Variants in PTK2B observed in about 807,000 individuals in gnomAD.
PTK2B encodes the protein protein tyrosine kinase 2 beta, also known as protein-tyrosine kinase 2-beta.
Under a neutral mutation model 142.9 loss-of-function variants are expected in PTK2B, and 71 were observed. That is an observed-to-expected ratio of 0.50 (90% confidence interval 0.41 to 0.61). The LOEUF (loss-of-function observed/expected upper bound fraction) is 0.61, where lower values mean the gene tolerates loss of function less well. PTK2B is among the 20% of genes least tolerant of loss of function. PTK2B has a pLI of 0.00. For missense variants in PTK2B, 1,105 were observed against 1,320.4 expected, an observed-to-expected ratio of 0.84 and a Z score of 2.53; for synonymous variants, 519 against 503.4, an observed-to-expected ratio of 1.03 and a Z score of -0.42.
At chr8:27,325,493 G>A (rs1341665189), upstream of PTK2B, 1 of 152,446 alleles carries the variant, frequency 6.6e-6, no homozygotes, top group African/African-American at 2.4e-5. Flanking sequence ...AAGTGGGGAG[G>A]AGAGCAGCAG....
intron 24 of PTK2B, among the ~76,000 whole-genome samples, chr8:27,450,198 C>A (rs1167806632): frequency 2.0e-5 from 3 of 152,108 alleles, no homozygotes; most frequent in Admixed American, 6.5e-5. Context: ...CATTCATGGA[C>A]ACACGTGGGA....
intron 4 of PTK2B, 88 bp downstream of exon 4, chr8:27,420,832 G>C: frequency 7.9e-7 from 1 of 1,265,994 alleles, no homozygotes; most frequent in South Asian, 1.2e-5. Flanking sequence ...GAGATGGAAA[G>C]ACAAAGCCCA....
chr8:27,419,801 A>G (rs559321876), intron 2 of PTK2B, 94 bp from the exon 3 acceptor site: 1 of 1,362,068 alleles, frequency 7.3e-7, no homozygotes, highest in African/African-American at 1.4e-5. Flanking sequence ...ACAGAATCCC[A>G]CCCTAGAGAA....
chr8:27,391,415 C>T (rs943658294), intron 1 of PTK2B, among the ~76,000 whole-genome samples: 17 of 152,200 alleles, frequency 1.1e-4, no homozygotes, highest in African/African-American at 3.9e-4. Context: ...AACTTTCAGT[C>T]CTCAAGACCA....
At chr8:27,345,149 A>C (rs1240944918) in intron 1 of PTK2B, among the ~76,000 whole-genome samples, 1 of 152,218 alleles carries the variant, frequency 6.6e-6, no homozygotes, top group African/African-American at 2.4e-5. Flanking sequence ...GGAGACAGTG[A>C]GACTCTGTCT....
rs1239080079 is a variant in PTK2B at position 27,430,969 on chromosome 8, G to T, written c.763G>T (p.Ala255Ser). ...CGTCATGAAGTTCTTCAACACTCTCGCCGGCTTCGCCAACATCGACCAGGA... is the reference window on the plus strand; with the variant it reads ...CGTCATGAAGTTCTTCAACACTCTCTCCGGCTTCGCCAACATCGACCAGGA... ...ECVMKFFNTL[A>S]GFANIDQETY... The change falls in exon 8 of 31, where the codon GCC (alanine) becomes TCC (serine). Residue 255 changes from alanine to serine, a missense_variant. Ala to Ser is a moderately conservative substitution (Grantham distance 99, BLOSUM62 1). Coordinates refer to ENST00000346049, the MANE Select transcript of PTK2B (RefSeq NM_173176.3). 11 of 1,613,972 alleles carry T rather than the reference G, an allele frequency of 6.8e-6. No individual in the cohort carries two copies. The highest frequency in any genetic ancestry group is 1.6e-4 in the Middle Eastern group (1 of 6,084).
intron 4 of PTK2B, 68 bp from the exon 5 acceptor site, chr8:27,422,236 T>A (rs1487853513): frequency 1.1e-5 from 16 of 1,452,362 alleles, no homozygotes; most frequent in Non-Finnish European, 1.4e-5. Context: ...CTTAATCTTC[T>A]GAGGCCTCTG....
At chr8:27,399,816 A>G (rs1309345447) in intron 2 of PTK2B, among the ~76,000 whole-genome samples, 1 of 152,214 alleles carries the variant, frequency 6.6e-6, no homozygotes, top group Non-Finnish European at 1.5e-5. Context: ...AAAGCCACTT[A>G]GACTTCTAGC....
At chr8:27,391,087 T>C (rs1391705815) in intron 1 of PTK2B, among the ~76,000 whole-genome samples, 1 of 152,064 alleles carries the variant, frequency 6.6e-6, no homozygotes, top group Non-Finnish European at 1.5e-5. Context: ...AACCTTTTTT[T>C]TTTTTTTCTT....
At position 27,420,756 on chromosome 8, in the gene PTK2B, T is replaced by C; in HGVS notation, c.471+12T>C. 6.3e-7 allele frequency: 1 copy of C among 1,597,448 alleles called. No individual in the cohort carries two copies. Among genetic ancestry groups the C allele is most frequent in the Non-Finnish European group, 8.6e-7 (1 of 1,165,192 alleles). On this transcript the variant is annotated intron_variant, in intron 4 of 30. Transcript: ENST00000346049. ...ATTTTTACCAACAGGTAAAAAGTACTTTATCTTCTTGCCCCGAGGCTCCCA... is the reference window on the plus strand; with the variant it reads ...ATTTTTACCAACAGGTAAAAAGTACCTTATCTTCTTGCCCCGAGGCTCCCA...
rs567364223 is a variant in PTK2B, at chr8:27,373,957, A to G, written c.-37-23591A>G. Reference sequence around the variant, plus strand: ...GCTGCTTGTAAAAAGCTGAAGAGACATTGCAAGGAGGAGGGATCGAACCAA... The same window carrying G: ...GCTGCTTGTAAAAAGCTGAAGAGACGTTGCAAGGAGGAGGGATCGAACCAA... On this transcript the variant is annotated intron_variant, in intron 1 of 30. Coordinates refer to ENST00000346049, the MANE Select transcript of PTK2B (RefSeq NM_173176.3). Among the ~76,000 whole-genome samples the G allele has an allele frequency of 2.6e-5, 4 of 152,012 alleles. No homozygotes were observed. The South Asian group carries it at 6.2e-4, about 24-fold the overall frequency.
At position 27,434,555 on chromosome 8, in the gene PTK2B, C is replaced by G; in HGVS notation, c.1188C>G (p.Ser396Arg). Residue 396 changes from serine to arginine, a missense_variant, in exon 13 of 31, where the codon AGC becomes AGG. Ser to Arg is a moderately radical substitution (Grantham distance 110, BLOSUM62 -1). Coordinates refer to ENST00000346049, the MANE Select transcript of PTK2B (RefSeq NM_173176.3). ...ARRSHLSESC[S>R]IESDIYAEIP... ...GGTCCCACCTCTCAGAGAGCTGCAG[C>G]ATAGGTGAGCTGCCCGCTGCATCCT... The G allele has an allele frequency of 6.2e-7, 1 of 1,602,594 alleles. No individual in the cohort carries two copies. The highest frequency in any genetic ancestry group is 8.5e-7 in the Non-Finnish European group (1 of 1,174,566).
intron 5 of PTK2B, among the ~76,000 whole-genome samples, chr8:27,424,466 T>C (rs929618481): frequency 6.6e-6 from 1 of 152,184 alleles, no homozygotes; most frequent in African/African-American, 2.4e-5. Context: ...GTGCAAGAGA[T>C]GTATTGTTTC....
intron 24 of PTK2B, 66 bp from the exon 25 acceptor site, chr8:27,450,683 T>C: frequency 3.1e-6 from 5 of 1,587,834 alleles, no homozygotes; most frequent in Non-Finnish European, 4.3e-6. Context: ...TTCAGAGGAC[T>C]GTCCCTCCCT....
At chr8:27,323,462 TC>T (rs1225216055), upstream of PTK2B, 3 of 152,394 alleles carry the variant, frequency 2.0e-5, no homozygotes, top group Admixed American at 6.5e-5. Flanking sequence ...AATTAGGGCC[TC>T]CCACATGGCA....
chr8:27,451,599 C>T (rs761271772), intron 27 of PTK2B, 90 bp downstream of exon 27: 47 of 1,600,498 alleles, frequency 2.9e-5, no homozygotes, highest in Admixed American at 3.4e-5. Flanking sequence ...CAGGGAGCAG[C>T]GGAGTCTGTC....
At chr8:27,316,992 C>T (rs1803108876) in intron 3 of PTK2B, among the ~76,000 whole-genome samples, 1 of 152,182 alleles carries the variant, frequency 6.6e-6, no homozygotes, top group African/African-American at 2.4e-5. Flanking sequence ...AGGCAAAAGG[C>T]ATCCACTGTT....
At chr8:27,386,881 T>G (rs1400756332) in intron 1 of PTK2B, among the ~76,000 whole-genome samples, 1 of 142,532 alleles carries the variant, frequency 7.0e-6, no homozygotes, top group Non-Finnish European at 1.6e-5. Context: ...TACCTGAGGT[T>G]TTTTTTTTTT....
chr8:27,435,617 A>T, intron 13 of PTK2B, 126 bp from the exon 14 acceptor site: 2 of 1,159,402 alleles, frequency 1.7e-6, no homozygotes, highest in East Asian at 4.8e-5. Flanking sequence ...AGCCCGGGAC[A>T]TGCCTGGCTT....
Sources: gnomAD v4.1 joint callset for allele counts (sites outside exome capture counted in the v4.1 genomes callset) on GRCh38, gnomAD v4.1.1 for gene constraint, MANE v1.5 for transcripts, NCBI Gene and HGNC (gene_info 2026-07-23, HGNC 2026-07-21) for gene names.